The following DCP1A variants were observed in gnomAD, a reference collection of about 807,000 sequenced individuals.
DCP1A encodes the protein decapping mRNA 1A.
In DCP1A, 20 loss-of-function variants were observed where a neutral mutation model predicts 58.0. That is an observed-to-expected ratio of 0.34 (90% CI 0.24 to 0.50). DCP1A has a LOEUF of 0.50. Ranked by LOEUF, DCP1A falls within the 20% of genes least tolerant of loss-of-function variation. The pLI is 0.98. For missense variants in DCP1A, 613 were observed against 712.2 expected (o/e 0.86, Z 1.59); for synonymous variants, 285 against 275.1 (o/e 1.04, Z -0.36).
chr3:53,322,603 T>C (rs1414769663), intron 3 of DCP1A, among the ~76,000 whole-genome samples: 1 of 152,034 alleles, frequency 6.6e-6, no homozygotes, highest in African/African-American at 2.4e-5. Flanking sequence ...ATGAAGATCA[T>C]GAACAAGAAT....
intron 2 of DCP1A, among the ~76,000 whole-genome samples, chr3:53,344,324 A>G (rs2089264569): frequency 2.0e-5 from 3 of 152,234 alleles, no homozygotes; most frequent in Admixed American, 6.5e-5. Flanking sequence ...GCCTAACAAA[A>G]AAGTTGCAAT....
chr3:53,332,758 G>A (rs1414371320), intron 3 of DCP1A, among the ~76,000 whole-genome samples: 1 of 151,834 alleles, frequency 6.6e-6, no homozygotes, highest in Admixed American at 6.6e-5. Context: ...CCAGCCACTC[G>A]GGAGGCTAAG....
At chr3:53,297,511 C>A (rs1707170299) in intron 6 of DCP1A, among the ~76,000 whole-genome samples, 1 of 152,032 alleles carries the variant, frequency 6.6e-6, no homozygotes, top group South Asian at 2.1e-4. Flanking sequence ...CAGACATGCA[C>A]CACCACGCTC....
intron 5 of DCP1A, 65 bp downstream of exon 5, chr3:53,312,176 C>T: frequency 1.3e-6 from 2 of 1,494,884 alleles, no homozygotes; most frequent in Non-Finnish European, 1.8e-6. Context: ...AAATAGTCTC[C>T]TGCAGACCTC....
chr3:53,337,283 A>G (rs2089133766), intron 3 of DCP1A, among the ~76,000 whole-genome samples: 1 of 152,214 alleles, frequency 6.6e-6, no homozygotes, highest in African/African-American at 2.4e-5. Flanking sequence ...AAGAGCCTGC[A>G]GCTCATGCAT....
At chr3:53,346,511 G>C (rs183625379) in intron 1 of DCP1A, among the ~76,000 whole-genome samples, 1 of 152,302 alleles carries the variant, frequency 6.6e-6, no homozygotes, top group East Asian at 1.9e-4. Context: ...TACTTTCTAA[G>C]TGTAAAGCCT....
intron 5 of DCP1A, among the ~76,000 whole-genome samples, chr3:53,309,360 A>C (rs1707576598): frequency 6.8e-6 from 1 of 146,450 alleles, no homozygotes; most frequent in South Asian, 2.2e-4. Flanking sequence ...ACAGAGCGAG[A>C]CTCCATCTCA....
intron 6 of DCP1A, among the ~76,000 whole-genome samples, chr3:53,298,803 T>C (rs981097631): frequency 1.3e-5 from 2 of 152,248 alleles, no homozygotes; most frequent in Non-Finnish European, 2.9e-5. Flanking sequence ...GCACAAACCA[T>C]GTTTTGGTCA....
At chr3:53,319,319 G>T in intron 4 of DCP1A, 88 bp downstream of exon 4, 1 of 840,012 alleles carries the variant, frequency 1.2e-6, no homozygotes, top group Non-Finnish European at 1.8e-6. Flanking sequence ...ACATGAGTTG[G>T]CAGACTTTAG....
chr3:53,344,201 G>C (rs996957533), intron 2 of DCP1A, among the ~76,000 whole-genome samples: 1 of 151,788 alleles, frequency 6.6e-6, no homozygotes, highest in Non-Finnish European at 1.5e-5. Context: ...CTAAGCTTTA[G>C]AAAACAAGGG....
chr3:53,320,736 A>G (rs1174151197), intron 3 of DCP1A, among the ~76,000 whole-genome samples: 1 of 152,154 alleles, frequency 6.6e-6, no homozygotes, highest in African/African-American at 2.4e-5. Context: ...GGCCACCAGG[A>G]TACCTGGTGC....
intron 1 of DCP1A, 85 bp downstream of exon 1, chr3:53,347,298 C>T (rs550309991): frequency 3.3e-4 from 449 of 1,370,620 alleles, no homozygotes; most frequent in South Asian, 1.0e-3. Flanking sequence ...TCTTAGTGTG[C>T]CCCCCCACCC....
At chr3:53,337,275 G>C (rs1427345218) in intron 3 of DCP1A, among the ~76,000 whole-genome samples, 5 of 152,138 alleles carry the variant, frequency 3.3e-5, no homozygotes, top group Admixed American at 3.3e-4. Flanking sequence ...GAGACACAAA[G>C]AGCCTGCAGC....
intron 4 of DCP1A, among the ~76,000 whole-genome samples, chr3:53,313,783 A>G (rs1236493342): frequency 3.3e-5 from 5 of 152,074 alleles, no homozygotes; most frequent in African/African-American, 1.2e-4. Flanking sequence ...CAGCCTGCAC[A>G]GGAGCTCTCA....
intron 3 of DCP1A, among the ~76,000 whole-genome samples, chr3:53,334,341 T>C (rs1234427629): frequency 1.3e-5 from 2 of 152,200 alleles, no homozygotes; most frequent in African/African-American, 2.4e-5. Context: ...GTTTATCCAA[T>C]CTGAGTCTTT....
intron 5 of DCP1A, among the ~76,000 whole-genome samples, chr3:53,305,059 G>A (rs1008237747): frequency 5.3e-5 from 8 of 152,046 alleles, no homozygotes; most frequent in Non-Finnish European, 7.4e-5. Flanking sequence ...CCGGCAACTA[G>A]GTCTATTCTC....
chr3:53,299,951 T>A (rs1707258653), intron 6 of DCP1A, among the ~76,000 whole-genome samples: 1 of 152,062 alleles, frequency 6.6e-6, no homozygotes, highest in African/African-American at 2.4e-5. Context: ...CACTGCAACC[T>A]CCCCCTCCTG....
chr3:53,324,382 A>C (rs1708055648), intron 3 of DCP1A, among the ~76,000 whole-genome samples: 1 of 152,208 alleles, frequency 6.6e-6, no homozygotes, highest in Non-Finnish European at 1.5e-5. Flanking sequence ...TGTCACTGTC[A>C]CTCATGAGGA....
Position 53,290,749 on chromosome 3 carries a change from TAAAAAAAAAAAAAA to T in DCP1A, c.1449+28_1449+41del, listed in dbSNP as rs61290855. ...TCTCACTATGGCACCCGACTAGTCTTAAAAAAAAAAAAAAAAAAAAAAAAAAAAAGCGAGTCCTT... is the reference window on the plus strand; with the variant it reads ...TCTCACTATGGCACCCGACTAGTCTTAAAAAAAAAAAAAAAGCGAGTCCTT... On this transcript the variant is annotated intron_variant, in intron 8 of 9. Transcript: ENST00000610213. The T allele has an allele frequency of 8.8e-5, 60 of 682,872 alleles. No homozygotes were observed. In the Middle Eastern group the frequency reaches 9.4e-4, roughly 11 times the overall value. 42.3% of individuals were successfully genotyped at this position (682,872 alleles called of 1,614,324 possible). A position where few individuals can be genotyped will look rare whatever the true frequency, so the allele number is the denominator to read the frequency against.
Sources: allele counts gnomAD v4.1 joint callset (sites outside exome capture counted in the v4.1 genomes callset), GRCh38; gene constraint gnomAD v4.1.1; transcripts MANE v1.5; gene names NCBI Gene and HGNC (gene_info 2026-07-23, HGNC 2026-07-21).